The following NUDC variants were observed in gnomAD, a reference collection of about 807,000 sequenced individuals.
NUDC encodes nuclear distribution C, dynein complex regulator.
NUDC carries 14 observed loss-of-function variants against 45.0 expected under a neutral mutation model. The ratio of observed to expected loss-of-function variants is 0.31; its 90% confidence interval spans 0.21 to 0.49. The LOEUF is 0.49. Ranked by LOEUF, NUDC falls within the 20% of genes least tolerant of loss-of-function variation. NUDC has a pLI of 0.99. For synonymous variants in NUDC, 153 were observed against 156.7 expected, an observed-to-expected ratio of 0.98 and a Z score of 0.17; for missense variants, 323 against 426.2, an observed-to-expected ratio of 0.76 and a Z score of 2.13.
chr1:26,925,451 A>G (rs887946015), intron 2 of NUDC, among the ~76,000 whole-genome samples: 5 of 146,878 alleles, frequency 3.4e-5, no homozygotes, highest in African/African-American at 1.3e-4. Flanking sequence ...GAGGCAGGAG[A>G]ATGGCGTGAA....
Position 26,943,051 on chromosome 1 carries a change from G to C in NUDC, c.727G>C (p.Val243Leu). 3.7e-6 allele frequency: 6 copies of C among 1,614,158 alleles called. No homozygotes were observed. The highest frequency in any genetic ancestry group is 5.1e-6 in the Non-Finnish European group (6 of 1,180,026). ...WLIEDGKVVT[V>L]HLEKINKMEW... ...CATTGAGGACGGCAAGGTGGTGACT[G>C]TGCATCTGGAGAAGGTATGTGAGGC... Residue 243 changes from valine to leucine, a missense_variant, in exon 6 of 9, where the codon GTG (valine) becomes CTG (leucine). Around this residue, in one of 3 missense-constraint regions of NUDC, gnomAD observed 245 missense variants for 278.8 expected, o/e 0.88. Coordinates refer to ENST00000321265, the MANE Select transcript of NUDC (RefSeq NM_006600.4).
chr1:26,924,242 A>G lies in NUDC; in HGVS notation c.159+76A>G, dbSNP rs542419587. The G allele has an allele frequency of 5.5e-6, 7 of 1,279,128 alleles. No individual in the cohort carries two copies. The African/African-American group carries it at 7.3e-5, about 13-fold the overall frequency. The allele number at this position is 1,279,128 out of a possible 1,614,324, so 79.2% of individuals were successfully genotyped here. ...AAAGCTCACCTGGCCTTTCTTTGGC[A>G]TAATAGTAACTTTCAGCAGAAGCGA... On this transcript the variant is annotated intron_variant, in intron 2 of 8. Coordinates refer to ENST00000321265, the MANE Select transcript of NUDC (RefSeq NM_006600.4).
At chr1:26,908,184 A>G (rs2082010500) in intron 2 of NUDC, among the ~76,000 whole-genome samples, 1 of 152,114 alleles carries the variant, frequency 6.6e-6, no homozygotes, top group Non-Finnish European at 1.5e-5. Flanking sequence ...CATCTAAAAA[A>G]AAAAAAGAGT....
intron 2 of NUDC, among the ~76,000 whole-genome samples, chr1:26,903,941 G>A (rs2081991312): frequency 6.6e-6 from 1 of 151,160 alleles, no homozygotes; most frequent in African/African-American, 2.4e-5. Context: ...AACCCGGGAG[G>A]CGGAGCTTGC....
rs576375363 is a variant in NUDC at position 26,945,242 on chromosome 1, A to T, written c.742-148A>T. 1.5e-4 allele frequency: 104 copies of T among 699,588 alleles called. 1 individual carries two copies. The East Asian group carries it at 2.8e-3, about 19-fold the overall frequency. The allele number at this position is 699,588 out of a possible 1,614,324, so 43.3% of individuals were successfully genotyped here. A position where few individuals can be genotyped will look rare whatever the true frequency, so the allele number is the denominator to read the frequency against. On this transcript the variant is annotated intron_variant, in intron 6 of 8. Coordinates refer to ENST00000321265, the MANE Select transcript of NUDC (RefSeq NM_006600.4). ...TCTCCCCTAGCTGCAGGAAGGGCACAGTCTTGTACCTCTGGATCCAGTGTA... is the reference window on the plus strand; with the variant it reads ...TCTCCCCTAGCTGCAGGAAGGGCACTGTCTTGTACCTCTGGATCCAGTGTA...
chr1:26,937,125 C>T (rs964665251), intron 2 of NUDC, among the ~76,000 whole-genome samples: 4 of 152,130 alleles, frequency 2.6e-5, no homozygotes, highest in Admixed American at 6.6e-5. Context: ...TTATAAAAGA[C>T]ATAACTTCAG....
At chr1:26,906,197 T>C (rs2082002025) in intron 2 of NUDC, among the ~76,000 whole-genome samples, 2 of 151,434 alleles carry the variant, frequency 1.3e-5, no homozygotes, top group Non-Finnish European at 2.9e-5. Context: ...GAGAATCATT[T>C]GAATCTGGGA....
intron 3 of NUDC, chr1:26,912,191 C>A: frequency 7.0e-7 from 1 of 1,422,608 alleles, no homozygotes; most frequent in Admixed American, 2.1e-5. Context: ...CCTCTGCCTC[C>A]TTTGCTCGGC....
At chr1:26,913,238 G>C (rs1286174296) in intron 3 of NUDC, among the ~76,000 whole-genome samples, 1 of 152,144 alleles carries the variant, frequency 6.6e-6, no homozygotes, top group African/African-American at 2.4e-5. Context: ...AGTGAGCCAA[G>C]ATCGCACCAC....
intron 2 of NUDC, among the ~76,000 whole-genome samples, chr1:26,909,043 C>T (rs1250715690): frequency 6.6e-5 from 10 of 151,968 alleles, no homozygotes; most frequent in African/African-American, 1.7e-4. Flanking sequence ...GGTGCGATCT[C>T]GGCTCACTGC....
intron 6 of NUDC, 21 bp from the exon 7 acceptor site, chr1:26,945,369 C>A (rs988541741): frequency 2.5e-6 from 4 of 1,610,534 alleles, no homozygotes; most frequent in Non-Finnish European, 3.4e-6. Flanking sequence ...ACCTCCCACC[C>A]TCTGGTTGTT....
rs1182529617 is a variant in NUDC, at chr1:26,941,853, G to A, written c.429+35G>A. 3.1e-6 allele frequency: 5 copies of A among 1,604,340 alleles called. No individual in the cohort carries two copies. The Admixed American group carries it at 6.7e-5, about 21-fold the overall frequency. ...ACTGCAGGGACTTGGGATGAGCCAG[G>A]AGCTTGGAACTTACAGGAAATCTCC... On this transcript the variant is annotated intron_variant, in intron 4 of 8. Coordinates refer to ENST00000321265, the MANE Select transcript of NUDC (RefSeq NM_006600.4).
chr1:26,925,228 T>G (rs2082121421), intron 2 of NUDC, among the ~76,000 whole-genome samples: 1 of 150,756 alleles, frequency 6.6e-6, no homozygotes, highest in South Asian at 2.1e-4. Flanking sequence ...GGGCAAATAT[T>G]AGAAACTGAT....
At chr1:26,907,617 A>G (rs745482418) in intron 2 of NUDC, among the ~76,000 whole-genome samples, 2 of 152,208 alleles carry the variant, frequency 1.3e-5, no homozygotes, top group Non-Finnish European at 2.9e-5. Context: ...CTGTCTGACT[A>G]CTTAATAGGC....
intron 1 of NUDC, chr1:26,922,263 G>A (rs967295726): frequency 1.4e-5 from 6 of 420,660 alleles, no homozygotes; most frequent in Non-Finnish European, 8.8e-6. Flanking sequence ...CGCAAATATC[G>A]TGATTTGGAT....
chr1:26,944,736 A>G (rs541798761), intron 6 of NUDC, among the ~76,000 whole-genome samples: 2 of 152,146 alleles, frequency 1.3e-5, no homozygotes, highest in East Asian at 1.9e-4. Flanking sequence ...CAGGAGGTGG[A>G]GGTTGCAGTG....
chr1:26,917,884 C>G (rs1461879658), upstream of NUDC, among the ~76,000 whole-genome samples: 1 of 147,640 alleles, frequency 6.8e-6, no homozygotes, highest in Non-Finnish European at 1.5e-5. Context: ...GAGACTGCGT[C>G]TCAAAAAAAA....
Position 26,943,209 on chromosome 1 carries a change from T to C in NUDC, c.741+144T>C, listed in dbSNP as rs1334408741. ...CAACACTCTTTAAAGTAGATCTGTC[T>C]CTATTTTATTTTCTTAAAGACAAGG... is the stretch of plus-strand genomic sequence containing the variant. On this transcript the variant is annotated intron_variant, in intron 6 of 8. Coordinates refer to ENST00000321265, the MANE Select transcript of NUDC (RefSeq NM_006600.4). 3 of 912,496 alleles carry C rather than the reference T, an allele frequency of 3.3e-6. No homozygotes were observed. The Admixed American group carries it at 6.0e-5, about 18-fold the overall frequency. 56.5% of individuals were successfully genotyped at this position (912,496 alleles called of 1,614,324 possible).
chr1:26,913,756 A>C, intron 3 of NUDC: 1 of 1,585,430 alleles, frequency 6.3e-7, no homozygotes, highest in Non-Finnish European at 8.6e-7. Context: ...CTTGGCCAGA[A>C]CATCCAAGGC....
Sources: gnomAD v4.1 joint callset for allele counts (sites outside exome capture counted in the v4.1 genomes callset) on GRCh38, gnomAD v4.1.1 for gene constraint, gnomAD v4.1.1 regional missense constraint, MANE v1.5 for transcripts, NCBI Gene and HGNC (gene_info 2026-07-23, HGNC 2026-07-21) for gene names.